RBFOX1: variants seen among roughly 807,000 people sequenced by gnomAD.
RBFOX1 encodes the protein RNA binding fox-1 homolog 1.
A neutral mutation model predicts 57.7 loss-of-function variants in RBFOX1; 8 were observed. The ratio of observed to expected loss-of-function variants is 0.14; its 90% CI spans 0.08 to 0.25. RBFOX1 has a LOEUF of 0.25. Ranked by LOEUF, RBFOX1 falls within the 10% of genes least tolerant of loss-of-function variation. RBFOX1 has a pLI of 1.00. For missense variants in RBFOX1, 611 were observed against 548.5 expected (o/e 1.11, Z -1.14); for synonymous variants, 326 against 222.4 (o/e 1.47, Z -4.15).
chr16:6,360,417 C>T (rs1438520393), intron 2 of RBFOX1, among the ~76,000 whole-genome samples: 1 of 152,020 alleles, frequency 6.6e-6, no homozygotes, highest in Non-Finnish European at 1.5e-5. Context: ...TTTTAACATT[C>T]TGAAACAGAT....
intron 4 of RBFOX1, among the ~76,000 whole-genome samples, chr16:7,226,922 T>C (rs2093159804): frequency 6.6e-6 from 1 of 152,228 alleles, no homozygotes; most frequent in Non-Finnish European, 1.5e-5. Context: ...TGTGTGTCTA[T>C]ATGTATGGAT....
intron 3 of RBFOX1, among the ~76,000 whole-genome samples, chr16:6,973,014 C>A (rs1047864379): frequency 6.6e-6 from 1 of 151,872 alleles, no homozygotes; most frequent in Non-Finnish European, 1.5e-5. Flanking sequence ...ACCTGTAATC[C>A]CAGCTACTTG....
At chr16:7,304,819 A>G (rs1375839060) in intron 4 of RBFOX1, among the ~76,000 whole-genome samples, 1 of 152,014 alleles carries the variant, frequency 6.6e-6, no homozygotes, top group East Asian at 1.9e-4. Flanking sequence ...TTTGATGCTA[A>G]GAGTTTGAAT....
At chr16:6,438,245 G>A (rs970371840) in intron 2 of RBFOX1, among the ~76,000 whole-genome samples, 1 of 152,176 alleles carries the variant, frequency 6.6e-6, no homozygotes, top group Non-Finnish European at 1.5e-5. Flanking sequence ...GCTGTGCTCT[G>A]TGCCTCACAG....
intron 4 of RBFOX1, among the ~76,000 whole-genome samples, chr16:7,117,263 T>A (rs1382444023): frequency 6.6e-6 from 1 of 152,132 alleles, no homozygotes; most frequent in Non-Finnish European, 1.5e-5. Context: ...ATCGTTTCAT[T>A]GTACGAACAG....
intron 2 of RBFOX1, among the ~76,000 whole-genome samples, chr16:6,601,621 C>G (rs1372034378): frequency 6.6e-6 from 1 of 152,122 alleles, no homozygotes; most frequent in Admixed American, 6.5e-5. Flanking sequence ...CAGTCCAATC[C>G]TTGGGACTAG....
intron 1 of RBFOX1, among the ~76,000 whole-genome samples, chr16:5,245,965 C>G (rs549462205): frequency 1.3e-5 from 2 of 152,028 alleles, no homozygotes; most frequent in African/African-American, 4.8e-5. Context: ...ATATTCTGGC[C>G]GGGCCCAGTG....
intron 1 of RBFOX1, among the ~76,000 whole-genome samples, chr16:6,073,414 G>A (rs1490217787): frequency 6.6e-6 from 1 of 152,172 alleles, no homozygotes; most frequent in African/African-American, 2.4e-5. Context: ...CTTTGAATTA[G>A]TTCAATCTAA....
At chr16:5,873,531 G>A (rs920437814) in intron 4 of RBFOX1, among the ~76,000 whole-genome samples, 3 of 152,238 alleles carry the variant, frequency 2.0e-5, no homozygotes, top group Admixed American at 1.3e-4. Flanking sequence ...CTCAGTTGGA[G>A]ATATGGTTAG....
At position 7,110,399 on chromosome 16, in the gene RBFOX1, T is replaced by C. The variant is rs774056265; in HGVS notation, c.27+58301T>C. Reference sequence around the variant, plus strand: ...CGTTCCCACTTTACAGTTGACTACATTGAGGGGTTGAAAGATGAATTTGCT... The same window carrying C: ...CGTTCCCACTTTACAGTTGACTACACTGAGGGGTTGAAAGATGAATTTGCT... On this transcript the variant is annotated intron_variant, in intron 4 of 15. Transcript: ENST00000550418. Among the ~76,000 whole-genome samples, 3 of 108,520 alleles carry C rather than the reference T, an allele frequency of 2.8e-5. No homozygotes were observed. The East Asian group carries it at 8.5e-4, about 31-fold the overall frequency. 71.2% of individuals were successfully genotyped at this position (108,520 alleles called of 152,430 possible).
chr16:7,383,385 A>G (rs2097819238), intron 4 of RBFOX1, among the ~76,000 whole-genome samples: 1 of 152,162 alleles, frequency 6.6e-6, no homozygotes, highest in Non-Finnish European at 1.5e-5. Flanking sequence ...GCAGATGGCA[A>G]ATATGTTAGT....
intron 3 of RBFOX1, among the ~76,000 whole-genome samples, chr16:5,744,164 C>T (rs554127062): frequency 6.6e-6 from 1 of 152,136 alleles, no homozygotes; most frequent in East Asian, 1.9e-4. Context: ...CTATGTTCCC[C>T]ATCTGGAGCT....
chr16:7,026,332 C>G (rs115401127), intron 3 of RBFOX1, among the ~76,000 whole-genome samples: 1 of 152,148 alleles, frequency 6.6e-6, no homozygotes, highest in African/African-American at 2.4e-5. Context: ...CGGTTTAACT[C>G]GGGTATCCAT....
chr16:6,101,794 C>T (rs1357578167), intron 1 of RBFOX1, among the ~76,000 whole-genome samples: 1 of 152,150 alleles, frequency 6.6e-6, no homozygotes, highest in Non-Finnish European at 1.5e-5. Context: ...CTGGAACACT[C>T]CTACCCCTGC....
At chr16:6,087,863 G>C (rs965243031) in intron 1 of RBFOX1, among the ~76,000 whole-genome samples, 1 of 152,096 alleles carries the variant, frequency 6.6e-6, no homozygotes, top group Admixed American at 6.6e-5. Context: ...ATGGTGGCCA[G>C]AATGGTCTCG....
chr16:7,444,047 G>C (rs2098790289), intron 4 of RBFOX1, among the ~76,000 whole-genome samples: 1 of 152,138 alleles, frequency 6.6e-6, no homozygotes. Context: ...TCAAGTTAGA[G>C]GTGCTAATAT....
At chr16:7,612,270 C>G (rs1157365851) in intron 10 of RBFOX1, among the ~76,000 whole-genome samples, 1 of 140,306 alleles carries the variant, frequency 7.1e-6, no homozygotes, top group Non-Finnish European at 1.5e-5. Flanking sequence ...GCAGTGAGCC[C>G]AGATCGCGCC....
intron 3 of RBFOX1, among the ~76,000 whole-genome samples, chr16:6,910,204 G>A (rs2071197481): frequency 6.6e-6 from 1 of 152,052 alleles, no homozygotes; most frequent in Non-Finnish European, 1.5e-5. Context: ...TGGGAAAAGA[G>A]AAATCCTAAG....
chr16:5,380,259 G>T (rs962393113), intron 1 of RBFOX1, among the ~76,000 whole-genome samples: 3 of 152,188 alleles, frequency 2.0e-5, no homozygotes, highest in Non-Finnish European at 2.9e-5. Flanking sequence ...TCGACTTTCA[G>T]TAGGTAGATG....
Sources: gnomAD v4.1 joint callset for allele counts (sites outside exome capture counted in the v4.1 genomes callset) on GRCh38, gnomAD v4.1.1 for gene constraint, MANE v1.5 for transcripts, NCBI Gene and HGNC (gene_info 2026-07-23, HGNC 2026-07-21) for gene names.